Variants in ZNF728 observed in about 807,000 individuals in gnomAD.
The protein encoded by ZNF728 is zinc finger protein 728.
In ZNF728, 12 loss-of-function variants were observed where a neutral mutation model predicts 12.5. The ratio of observed to expected loss-of-function variants is 0.96; its 90% CI spans 0.61 to 1.55. ZNF728 has a LOEUF of 1.55. ZNF728 is among the 40% of genes most tolerant of loss of function. ZNF728 has a pLI of 0.00. For synonymous variants in ZNF728, 205 were observed against 240.7 expected, an observed-to-expected ratio of 0.85 and a Z score of 1.37; for missense variants, 692 against 719.2, an observed-to-expected ratio of 0.96 and a Z score of 0.43.
chr19:23,000,634 T>C (rs11879066), intron 1 of ZNF728, among the ~76,000 whole-genome samples: 3,760 of 151,880 alleles, frequency 0.025, 146 homozygotes, highest in African/African-American at 0.084. Flanking sequence ...GAGGCCAAGG[T>C]GGGCAGATTA....
At chr19:22,987,837 G>A (rs1345953842) in intron 2 of ZNF728, among the ~76,000 whole-genome samples, 1 of 152,188 alleles carries the variant, frequency 6.6e-6, no homozygotes, top group African/African-American at 2.4e-5. Flanking sequence ...TTATACAAAA[G>A]AGAAATGATG....
chr19:22,991,313 GAGTTGATAC>G (rs1307072424), intron 1 of ZNF728, among the ~76,000 whole-genome samples: 11 of 152,300 alleles, frequency 7.2e-5, no homozygotes, highest in African/African-American at 2.2e-4. Flanking sequence ...AACACCCTGT[GAGTTGATAC>G]TAAGTGTTCA....
intron 3 of ZNF728, among the ~76,000 whole-genome samples, chr19:22,983,174 A>C (rs1314666750): frequency 6.6e-5 from 10 of 152,010 alleles, no homozygotes. Flanking sequence ...GAAAAAAAAA[A>C]CACCCCATCA....
At chr19:22,987,457 A>T (rs1968930104) in intron 2 of ZNF728, 54 bp from the exon 3 acceptor site, 9 of 1,510,086 alleles carry the variant, frequency 6.0e-6, no homozygotes, top group Admixed American at 5.9e-5. Context: ...CCAATTAACA[A>T]CTTAGTAATG....
intron 1 of ZNF728, among the ~76,000 whole-genome samples, chr19:22,999,343 G>A (rs941698859): frequency 1.3e-5 from 2 of 151,782 alleles, no homozygotes; most frequent in African/African-American, 4.8e-5. Context: ...TTTATCTTCA[G>A]TAAGACACTC....
intron 1 of ZNF728, among the ~76,000 whole-genome samples, chr19:23,000,164 C>G (rs1003981663): frequency 5.3e-5 from 8 of 151,756 alleles, no homozygotes; most frequent in East Asian, 2.0e-4. Context: ...GTCAGGAGAT[C>G]GAGACCACCC....
At chr19:22,986,321 A>G (rs1343779806) in intron 3 of ZNF728, among the ~76,000 whole-genome samples, 2 of 147,720 alleles carry the variant, frequency 1.4e-5, no homozygotes, top group Admixed American at 6.6e-5. Context: ...TTGAAGACAA[A>G]TAAGTAAAAC....
intron 2 of ZNF728, 84 bp from the exon 3 acceptor site, chr19:22,987,487 G>C: frequency 3.3e-6 from 4 of 1,226,778 alleles, no homozygotes; most frequent in Non-Finnish European, 4.3e-6. Flanking sequence ...AAGAGGATGT[G>C]ATAGAATATT....
rs759131347 is a variant in ZNF728, at chr19:22,977,114, A to G, written c.227-4T>C. On this transcript the variant is annotated splice_region_variant and splice_polypyrimidine_tract_variant and intron_variant, in intron 3 of 3. Transcript: ENST00000594710. Reference sequence around the variant, plus strand: ...TGAGCAAAATGAGAACATATAACTGAAAAGAAATAAAAATAACAAATTAGT... The same window carrying G: ...TGAGCAAAATGAGAACATATAACTGGAAAGAAATAAAAATAACAAATTAGT... 1.3e-6 allele frequency: 2 copies of G among 1,533,362 alleles called. No individual in the cohort carries two copies. Among genetic ancestry groups the G allele is most frequent in the African/African-American group, 2.8e-5 (2 of 71,664 alleles). 95.0% of individuals were successfully genotyped at this position (1,533,362 alleles called of 1,614,324 possible).
At chr19:22,999,036 TACA>T (rs1242325722) in intron 1 of ZNF728, among the ~76,000 whole-genome samples, 1 of 152,208 alleles carries the variant, frequency 6.6e-6, no homozygotes, top group Admixed American at 6.5e-5. Flanking sequence ...TGAGCCACCA[TACA>T]ACCTCATTTT....
At chr19:22,984,754 G>A (rs555068816) in intron 3 of ZNF728, among the ~76,000 whole-genome samples, 1 of 151,972 alleles carries the variant, frequency 6.6e-6, no homozygotes, top group South Asian at 2.1e-4. Flanking sequence ...ATTTCTCATT[G>A]CATTTTTGAA....
chr19:22,983,308 A>G (rs1486304769), intron 3 of ZNF728, among the ~76,000 whole-genome samples: 5 of 152,206 alleles, frequency 3.3e-5, no homozygotes, highest in Admixed American at 3.3e-4. Flanking sequence ...CACAATGAGT[A>G]CCATTTCATG....
chr19:22,992,311 C>T (rs1339901443), intron 1 of ZNF728, among the ~76,000 whole-genome samples: 5 of 151,212 alleles, frequency 3.3e-5, no homozygotes, highest in Admixed American at 1.3e-4. Flanking sequence ...GGTGTGATCT[C>T]GGCTCACTGC....
At chr19:22,984,173 G>T (rs1328043876) in intron 3 of ZNF728, among the ~76,000 whole-genome samples, 10 of 151,636 alleles carry the variant, frequency 6.6e-5, no homozygotes, top group Non-Finnish European at 7.4e-5. Flanking sequence ...GGCCAAAAAA[G>T]AAGTCTTACC....
chr19:22,981,990 CACCA>C (rs1199349042), intron 3 of ZNF728, among the ~76,000 whole-genome samples: 1 of 152,210 alleles, frequency 6.6e-6, no homozygotes, highest in Admixed American at 6.5e-5. Context: ...TGCCCTCCCT[CACCA>C]CTCCCATTCA....
intron 3 of ZNF728, among the ~76,000 whole-genome samples, chr19:22,984,577 T>TATACACAC (rs1555702599): frequency 9.2e-6 from 1 of 109,250 alleles, no homozygotes; most frequent in East Asian, 2.7e-4. Flanking sequence ...AAAAAAAAAA[T>TATACACAC]ACACACACAC....
chr19:22,975,404 T>A lies in ZNF728; in HGVS notation c.*64A>T. ...ATTCTTCACATTTGTAGGGTTTCCC[T>A]CCTGTATAAATACCCTTATGTTCAG... On this transcript the variant is annotated 3_prime_UTR_variant, in exon 4 of 4. Coordinates refer to ENST00000594710, the MANE Select transcript of ZNF728 (RefSeq NM_001267716.2). 1 of 1,434,934 alleles carries A rather than the reference T, an allele frequency of 7.0e-7. No individual in the cohort carries two copies. The highest frequency in any genetic ancestry group is 9.4e-7 in the Non-Finnish European group (1 of 1,065,774). The allele number at this position is 1,434,934 out of a possible 1,614,324, so 88.9% of individuals were successfully genotyped here.
Position 22,977,101 on chromosome 19 carries a change from G to C in ZNF728, c.236C>G (p.Ser79Cys), listed in dbSNP as rs748509623. 1.0e-4 allele frequency: 162 copies of C among 1,566,572 alleles called. 1 individual carries two copies. The highest frequency in any genetic ancestry group is 4.5e-5 in the East Asian group (2 of 44,314). The change falls in exon 4 of 4, where the codon TCT becomes TGT. Residue 79 changes from serine to cysteine, a missense_variant. By Grantham distance (112) the Ser-to-Cys change is moderately radical (BLOSUM62 -1). Coordinates refer to ENST00000594710, the MANE Select transcript of ZNF728 (RefSeq NM_001267716.2). ...ELVKEPPVICSHFAQDLWPEQ... is the reference protein window; with the variant it reads ...ELVKEPPVICCHFAQDLWPEQ... The stretch of plus-strand genomic sequence containing the variant: ...TGGCCAAAGGTCTTGAGCAAAATGA[G>C]AACATATAACTGAAAAGAAATAAAA...
intron 1 of ZNF728, among the ~76,000 whole-genome samples, chr19:22,999,516 A>G (rs1248822913): frequency 1.3e-5 from 2 of 152,088 alleles, no homozygotes; most frequent in Admixed American, 6.5e-5. Context: ...TGGGCCTTTA[A>G]TAACCTCCTT....
Sources: gnomAD v4.1 joint callset for allele counts (sites outside exome capture counted in the v4.1 genomes callset) on GRCh38, gnomAD v4.1.1 for gene constraint, MANE v1.5 for transcripts, NCBI Gene and HGNC (gene_info 2026-07-23, HGNC 2026-07-21) for gene names.